The following DECR1 variants were observed in gnomAD, a reference collection of about 807,000 sequenced individuals.
DECR1 encodes the protein 2,4-dienoyl-CoA reductase 1.
In DECR1, 44 loss-of-function variants were observed where a neutral mutation model predicts 38.8. The observed-to-expected ratio is 1.13, with a 90% confidence interval of 0.89 to 1.46. The LOEUF (loss-of-function observed/expected upper bound fraction) is 1.46, where lower values mean the gene tolerates loss of function less well. Ranked by LOEUF, DECR1 falls within the 40% of genes most tolerant of loss-of-function variation. The probability of loss-of-function intolerance (pLI) is 0.00; values close to 1 mark genes in which losing one functional copy is unlikely to be tolerated. For synonymous variants in DECR1, 148 were observed against 135.2 expected (o/e 1.09, Z -0.66); for missense variants, 428 against 405.5 (o/e 1.06, Z -0.48).
At chr8:90,032,587 G>A (rs984574159) in intron 5 of DECR1, among the ~76,000 whole-genome samples, 7 of 152,080 alleles carry the variant, frequency 4.6e-5, no homozygotes, top group African/African-American at 1.4e-4. Context: ...TCTTTAAGTG[G>A]GGCCATTCTG....
rs149321434 is a variant in DECR1 at position 90,051,918 on chromosome 8, T to A, written c.*21T>A. 48 of 1,607,572 alleles carry A rather than the reference T, an allele frequency of 3.0e-5. No homozygotes were observed. In the East Asian group the frequency reaches 1.0e-3, roughly 34 times the overall value. ...CCTAAGACCACTTTGGCCTTCATCT[T>A]GGTTACAGAAAAGGGAATAGAAATG... On this transcript the variant is annotated 3_prime_UTR_variant, in exon 10 of 10. Transcript: ENST00000220764.
At chr8:90,006,237 T>C (rs767900619) in intron 1 of DECR1, 1 of 704,078 alleles carries the variant, frequency 1.4e-6, no homozygotes, top group Non-Finnish European at 2.6e-6. Context: ...AGTAGGGAGA[T>C]GTCAGGACTG....
At chr8:90,025,783 C>A (rs895850671) in intron 5 of DECR1, among the ~76,000 whole-genome samples, 6 of 152,288 alleles carry the variant, frequency 3.9e-5, no homozygotes, top group African/African-American at 1.4e-4. Context: ...TGAGAGAGGG[C>A]ATCCCTGTCT....
chr8:90,045,072 C>T, intron 8 of DECR1, 77 bp downstream of exon 8: 2 of 1,281,904 alleles, frequency 1.6e-6, no homozygotes, highest in South Asian at 1.2e-5. Flanking sequence ...GGAACCAATC[C>T]TGACAATGCT....
intron 5 of DECR1, among the ~76,000 whole-genome samples, chr8:90,032,954 A>T (rs904822061): frequency 6.6e-6 from 1 of 152,160 alleles, no homozygotes; most frequent in African/African-American, 2.4e-5. Context: ...TTAACAAGTA[A>T]TCCTTAGAAT....
At chr8:90,016,920 G>A in intron 1 of DECR1, 2 of 492,114 alleles carry the variant, frequency 4.1e-6, no homozygotes, top group Non-Finnish European at 7.3e-6. Context: ...AGAAAATTCT[G>A]TGCTATGTAG....
At chr8:90,024,747 G>T (rs1813283463) in intron 5 of DECR1, among the ~76,000 whole-genome samples, 1 of 152,100 alleles carries the variant, frequency 6.6e-6, no homozygotes, top group Admixed American at 6.6e-5. Context: ...GTCTATTTTG[G>T]CTTTTGTGGC....
intron 1 of DECR1, among the ~76,000 whole-genome samples, chr8:90,016,264 C>T (rs1196862140): frequency 1.3e-5 from 2 of 152,108 alleles, no homozygotes; most frequent in Admixed American, 6.5e-5. Flanking sequence ...CAATTTTCTT[C>T]AGTAATTCAA....
At chr8:90,023,549 A>C (rs915541521) in intron 5 of DECR1, among the ~76,000 whole-genome samples, 17 of 152,106 alleles carry the variant, frequency 1.1e-4, no homozygotes, top group Non-Finnish European at 2.4e-4. Flanking sequence ...ATAGGTAAAA[A>C]CTTAGATTCT....
At chr8:90,019,734 A>G (rs59899647) in intron 4 of DECR1, among the ~76,000 whole-genome samples, 3,580 of 152,272 alleles carry the variant, frequency 0.024, 134 homozygotes, top group African/African-American at 0.081. Flanking sequence ...GCCTCCTCCT[A>G]CCTCAATATG....
chr8:90,023,483 C>T (rs1226395908), intron 5 of DECR1, among the ~76,000 whole-genome samples: 1 of 151,946 alleles, frequency 6.6e-6, no homozygotes, highest in Non-Finnish European at 1.5e-5. Flanking sequence ...ACTGATAAGC[C>T]TTTTATTTTC....
At chr8:90,018,707 G>A (rs1813070263) in intron 2 of DECR1, 3 of 500,226 alleles carry the variant, frequency 6.0e-6, no homozygotes, top group African/African-American at 1.9e-5. Flanking sequence ...TGGTTTAAAA[G>A]TGACTAATTC....
chr8:90,033,232 C>T (rs1356672275), intron 5 of DECR1, among the ~76,000 whole-genome samples: 1 of 152,186 alleles, frequency 6.6e-6, no homozygotes, highest in Admixed American at 6.6e-5. Context: ...TAATCTTGCA[C>T]ATATCATAGC....
rs1586145927 is a variant in DECR1, at chr8:90,020,936, T to A, written c.445T>A (p.Phe149Ile). 1 of 1,580,654 alleles carries A rather than the reference T, an allele frequency of 6.3e-7. No individual in the cohort carries two copies. The highest frequency in any genetic ancestry group is 2.3e-5 in the East Asian group (1 of 43,258). The change falls in exon 5 of 10, where the codon TTT (phenylalanine) becomes ATT (isoleucine). Residue 149 changes from phenylalanine to isoleucine, a missense_variant. Transcript: ENST00000220764. ...NIVINNAAGNFISPTERLSPN... is the reference protein window; with the variant it reads ...NIVINNAAGNIISPTERLSPN... ...TGTGATAAACAATGCAGCAGGGAAT[T>A]TTATTTCTCCTACTGAAAGACTTTC... is the stretch of plus-strand genomic sequence containing the variant.
At chr8:90,008,900 A>G (rs1812810548) in intron 1 of DECR1, among the ~76,000 whole-genome samples, 2 of 152,192 alleles carry the variant, frequency 1.3e-5, no homozygotes. Flanking sequence ...ACCAGTTCAC[A>G]TGATAGCATC....
At chr8:90,012,576 C>T (rs1310426511) in intron 1 of DECR1, among the ~76,000 whole-genome samples, 1 of 152,186 alleles carries the variant, frequency 6.6e-6, no homozygotes, top group Non-Finnish European at 1.5e-5. Context: ...CATATATTCA[C>T]ATAAGACTAC....
chr8:90,003,472 C>G (rs1812666375), intron 1 of DECR1, among the ~76,000 whole-genome samples: 1 of 152,192 alleles, frequency 6.6e-6, no homozygotes, highest in South Asian at 2.1e-4. Flanking sequence ...CTCAACTGTT[C>G]TCAAGTTGCT....
At chr8:90,008,418 G>A (rs1267116147) in intron 1 of DECR1, among the ~76,000 whole-genome samples, 2 of 152,176 alleles carry the variant, frequency 1.3e-5, no homozygotes, top group Non-Finnish European at 2.9e-5. Context: ...TCTGTCTGAT[G>A]AGTCTCCATT....
intron 1 of DECR1, among the ~76,000 whole-genome samples, chr8:90,007,016 A>G (rs979609531): frequency 9.2e-5 from 14 of 152,170 alleles, no homozygotes; most frequent in Non-Finnish European, 1.5e-4. Context: ...AGTGGTATAT[A>G]GATAAATAAG....
Sources: allele counts gnomAD v4.1 joint callset (sites outside exome capture counted in the v4.1 genomes callset), GRCh38; gene constraint gnomAD v4.1.1; transcripts MANE v1.5; gene names NCBI Gene and HGNC (gene_info 2026-07-23, HGNC 2026-07-21).